The following NCKAP5 variants were observed in gnomAD, a reference collection of about 807,000 sequenced individuals.
NCKAP5 encodes NCK associated protein 5, also known as nck-associated protein 5.
In NCKAP5, 92 loss-of-function variants were observed where a neutral mutation model predicts 167.0. The ratio of observed to expected loss-of-function variants is 0.55; its 90% CI spans 0.47 to 0.66. NCKAP5 has a LOEUF of 0.66. NCKAP5 is among the 30% of genes least tolerant of loss of function. NCKAP5 has a pLI of 0.00. For synonymous variants in NCKAP5, 891 were observed against 877.4 expected (o/e 1.02, Z -0.27); for missense variants, 2,378 against 2,315.0 (o/e 1.03, Z -0.56).
At chr2:132,812,514 A>G (rs1245269486) in intron 11 of NCKAP5, among the ~76,000 whole-genome samples, 3 of 152,188 alleles carry the variant, frequency 2.0e-5, no homozygotes, top group Non-Finnish European at 2.9e-5. Context: ...ATGTTGGGGT[A>G]CAATGATGAA....
intron 4 of NCKAP5, among the ~76,000 whole-genome samples, chr2:133,284,452 G>C (rs1167123683): frequency 1.3e-5 from 2 of 152,196 alleles, no homozygotes; most frequent in East Asian, 3.8e-4. Flanking sequence ...TGTTATGCAT[G>C]TTTGAAGTTG....
chr2:133,058,837 G>C (rs1002387646), intron 6 of NCKAP5, among the ~76,000 whole-genome samples: 3 of 152,294 alleles, frequency 2.0e-5, no homozygotes, highest in Admixed American at 1.3e-4. Flanking sequence ...AGCCTTGCTT[G>C]CTATAGAGAA....
chr2:132,842,209 A>C (rs1454404674), intron 11 of NCKAP5, among the ~76,000 whole-genome samples: 1 of 152,062 alleles, frequency 6.6e-6, no homozygotes, highest in African/African-American at 2.4e-5. Context: ...ATTTATTTCC[A>C]ATTTGTTAGG....
intron 8 of NCKAP5, among the ~76,000 whole-genome samples, chr2:132,920,813 A>G (rs1207858877): frequency 1.2e-4 from 12 of 102,246 alleles, no homozygotes; most frequent in African/African-American, 3.6e-4. Flanking sequence ...ATATATATAT[A>G]TATATGGAAG....
At chr2:132,771,839 ATTTTTTTTTTTT>A (rs70973406) in intron 16 of NCKAP5, among the ~76,000 whole-genome samples, 3 of 100,764 alleles carry the variant, frequency 3.0e-5, no homozygotes, top group African/African-American at 7.8e-5. Flanking sequence ...CGCCCGGCTA[ATTTTTTTTTTTT>A]TTTTTTTTTT....
intron 8 of NCKAP5, among the ~76,000 whole-genome samples, chr2:132,915,936 G>T (rs969832125): frequency 6.6e-6 from 1 of 151,932 alleles, no homozygotes; most frequent in Non-Finnish European, 1.5e-5. Flanking sequence ...CCCAACACTA[G>T]AGCATTGGTT....
intron 3 of NCKAP5, among the ~76,000 whole-genome samples, chr2:133,322,549 AGTAACAATATCTGAGTGG>A (rs1421360553): frequency 1.3e-5 from 2 of 152,252 alleles, no homozygotes. Context: ...ATAGAGTTCA[AGTAACAATATCTGAGTGG>A]GTAGTTGAAA....
intron 5 of NCKAP5, among the ~76,000 whole-genome samples, chr2:133,177,962 G>A (rs568839921): frequency 5.3e-5 from 8 of 152,294 alleles, no homozygotes; most frequent in South Asian, 2.1e-4. Flanking sequence ...TCCTGTCAAC[G>A]TAGGCCAAGT....
chr2:133,333,404 G>A (rs1352310968), intron 3 of NCKAP5, among the ~76,000 whole-genome samples: 1 of 152,136 alleles, frequency 6.6e-6, no homozygotes, highest in Non-Finnish European at 1.5e-5. Context: ...CTGGCTTGGG[G>A]CCTTTAATGC....
chr2:132,794,944 G>A (rs1443468439), intron 12 of NCKAP5, among the ~76,000 whole-genome samples: 1 of 152,094 alleles, frequency 6.6e-6, no homozygotes, highest in Non-Finnish European at 1.5e-5. Flanking sequence ...TGTGGGTGCA[G>A]CATGGTACCA....
intron 19 of NCKAP5, among the ~76,000 whole-genome samples, chr2:132,712,786 G>T (rs1688991336): frequency 6.6e-6 from 1 of 152,220 alleles, no homozygotes; most frequent in East Asian, 1.9e-4. Context: ...GAAACACCAT[G>T]ATCTCTGGTG....
chr2:133,531,669 A>G (rs1255115231), intron 2 of NCKAP5, among the ~76,000 whole-genome samples: 2 of 152,158 alleles, frequency 1.3e-5, no homozygotes, highest in Non-Finnish European at 2.9e-5. Flanking sequence ...ATTAGTAGTA[A>G]TGTTTTTATC....
intron 11 of NCKAP5, among the ~76,000 whole-genome samples, chr2:132,815,548 T>C (rs1173469021): frequency 6.6e-6 from 1 of 152,202 alleles, no homozygotes; most frequent in Non-Finnish European, 1.5e-5. Flanking sequence ...AAATCTATAG[T>C]GTTTTATTTA....
chr2:133,089,225 C>T (rs979911793), intron 6 of NCKAP5, among the ~76,000 whole-genome samples: 4 of 152,196 alleles, frequency 2.6e-5, no homozygotes, highest in African/African-American at 7.2e-5. Flanking sequence ...GTACTCACAA[C>T]ACTTTGGGGA....
chr2:133,332,362 C>T (rs1006726145), intron 3 of NCKAP5, among the ~76,000 whole-genome samples: 1 of 152,070 alleles, frequency 6.6e-6, no homozygotes, highest in Non-Finnish European at 1.5e-5. Flanking sequence ...CCCAGTTAAC[C>T]AGAATTAGGT....
chr2:133,369,877 A>C (rs868245501), intron 3 of NCKAP5, among the ~76,000 whole-genome samples: 1 of 152,202 alleles, frequency 6.6e-6, no homozygotes, highest in South Asian at 2.1e-4. Context: ...ATTTTGCTTG[A>C]AGTGTTTTTT....
intron 11 of NCKAP5, among the ~76,000 whole-genome samples, chr2:132,858,094 A>C (rs1278017554): frequency 6.6e-6 from 1 of 151,952 alleles, no homozygotes; most frequent in East Asian, 1.9e-4. Context: ...GGCTGTATTC[A>C]ACAAATAATA....
At chr2:133,063,599 A>AT (rs534694562) in intron 6 of NCKAP5, among the ~76,000 whole-genome samples, 26 of 151,438 alleles carry the variant, frequency 1.7e-4, no homozygotes, top group African/African-American at 3.6e-4. Context: ...AACTCATCAC[A>AT]TTTTTTTTTC....
intron 4 of NCKAP5, among the ~76,000 whole-genome samples, chr2:133,227,184 A>C (rs2086932499): frequency 6.6e-6 from 1 of 152,352 alleles, no homozygotes; most frequent in Middle Eastern, 3.4e-3. Flanking sequence ...TTCCAATCTA[A>C]GGAACTTCTT....
Sources: allele counts gnomAD v4.1 joint callset (sites outside exome capture counted in the v4.1 genomes callset), GRCh38; gene constraint gnomAD v4.1.1; transcripts MANE v1.5; gene names NCBI Gene and HGNC (gene_info 2026-07-23, HGNC 2026-07-21).